DGKQ: variants seen among roughly 807,000 people sequenced by gnomAD.
The protein encoded by DGKQ is DAG kinase theta.
Under a neutral mutation model 104.2 loss-of-function variants are expected in DGKQ, and 97 were observed. That is an observed-to-expected ratio of 0.93 (90% CI 0.79 to 1.10). The LOEUF (loss-of-function observed/expected upper bound fraction) is 1.10. DGKQ is among the 50% of genes least tolerant of loss of function. The pLI, the probability that DGKQ is intolerant of heterozygous loss-of-function variation, is 0.00. For missense variants in DGKQ, 1,465 were observed against 1,352.1 expected (o/e 1.08, Z -1.31); for synonymous variants, 736 against 595.2 (o/e 1.24, Z -3.44).
At chr4:968,104 AC>A (rs1712581506) in intron 5 of DGKQ, 77 bp from the exon 6 acceptor site, 1 of 1,010,064 alleles carries the variant, frequency 9.9e-7, no homozygotes. Context: ...CCAGGGAAAG[AC>A]CCCACACGAC....
In DGKQ at chr4:962,574, T is replaced by C. The variant is rs1177972813; in HGVS notation, c.2075A>G (p.Tyr692Cys). The C allele has an allele frequency of 1.9e-6, 3 of 1,609,760 alleles. No homozygotes were observed. The highest frequency in any genetic ancestry group is 2.2e-5 in the East Asian group (1 of 44,874). ...TACGGAGAACGGGTCCTCGCCGCTGTAGCCCGCCCCCCAGCGGAGGACTCG... is the reference window on the plus strand; with the variant it reads ...TACGGAGAACGGGTCCTCGCCGCTGCAGCCCGCCCCCCAGCGGAGGACTCG... The part of the protein sequence containing the change: ...LGRVLRWGAG[Y>C]SGEDPFSVLL... The change falls in exon 18 of 23, where the codon TAC becomes TGC. Residue 692 changes from tyrosine to cysteine, a missense_variant. Tyr to Cys is a radical substitution (Grantham distance 194). Transcript: ENST00000273814.
chr4:961,679 C>G lies in DGKQ; in HGVS notation c.2462+9G>C. ...GGCAGAGCCTCTGGGGAGCCCCGCC[C>G]GCGAGCACCTGGGGATGTTGATGAA... is the stretch of plus-strand genomic sequence containing the variant. On this transcript the variant is annotated intron_variant, in intron 20 of 22. Coordinates refer to ENST00000273814, the MANE Select transcript of DGKQ (RefSeq NM_001347.4). The G allele has an allele frequency of 1.2e-6, 2 of 1,612,346 alleles. No individual in the cohort carries two copies.
chr4:962,632 C>A lies in DGKQ; in HGVS notation c.2036-19G>T. 6.2e-7 allele frequency: 1 copy of A among 1,604,234 alleles called. No homozygotes were observed. The highest frequency in any genetic ancestry group is 8.5e-7 in the Non-Finnish European group (1 of 1,178,354). ...TCATTCCCTGGGACACAAGCAGACACAGAGCATCTGTCCACACCCACCCGC... is the reference window on the plus strand; with the variant it reads ...TCATTCCCTGGGACACAAGCAGACAAAGAGCATCTGTCCACACCCACCCGC... On this transcript the variant is annotated intron_variant, in intron 17 of 22. Coordinates refer to ENST00000273814, the MANE Select transcript of DGKQ (RefSeq NM_001347.4).
Position 968,026 on chromosome 4 carries a change from G to A in DGKQ, c.665C>T (p.Ala222Val), listed in dbSNP as rs201141755. 3.5e-6 allele frequency: 5 copies of A among 1,427,436 alleles called. No individual in the cohort carries two copies. Among genetic ancestry groups the A allele is most frequent in the Non-Finnish European group, 3.6e-6 (4 of 1,099,846 alleles). The allele number at this position is 1,427,436 out of a possible 1,614,324, so 88.4% of individuals were successfully genotyped here. A position where few individuals can be genotyped will look rare whatever the true frequency, so the allele number is the denominator to read the frequency against. Residue 222 changes from alanine (A) to valine (V), a missense_variant and splice_region_variant, in exon 6 of 23, where the codon GCG (alanine) becomes GTG (valine). Transcript: ENST00000273814. ...CAGCGCCGCGGAGCAGAGGGAGTGCGCCTGGGGGGAGAAGGGCCTGAGCTG... is the reference window on the plus strand; with the variant it reads ...CAGCGCCGCGGAGCAGAGGGAGTGCACCTGGGGGGAGAAGGGCCTGAGCTG... Reference protein sequence around the residue: ...GVRCEWCGVQAHSLCSAALAP... With the variant: ...GVRCEWCGVQVHSLCSAALAP...
intron 18 of DGKQ, among the ~76,000 whole-genome samples, 165 bp from the exon 19 acceptor site, chr4:962,247 G>A (rs911794165): frequency 1.3e-5 from 2 of 152,184 alleles, no homozygotes; most frequent in Non-Finnish European, 2.9e-5. Flanking sequence ...AGGCTCTGTC[G>A]CCAGCTGGCT....
At position 967,353 on chromosome 4, in the gene DGKQ, T is replaced by C; in HGVS notation, c.996A>G (p.Ala332=). The change falls in exon 9 of 23, where the codon GCA becomes GCG. Residue 332 remains alanine, a synonymous_variant. Coordinates refer to ENST00000273814, the MANE Select transcript of DGKQ (RefSeq NM_001347.4). The part of the protein sequence containing the change: ...LAGAEEVLEA[A]LRAHHIPEDP... ...CCTCGGGGATGTGGTGGGCCCGCAG[T>C]GCGGCCTCCTGCAGGGCACCAGGTT... 1 of 1,458,110 alleles carries C rather than the reference T, an allele frequency of 6.9e-7. No homozygotes were observed. The highest frequency in any genetic ancestry group is 2.1e-5 in the Admixed American group (1 of 47,884). The allele number at this position is 1,458,110 out of a possible 1,614,324, so 90.3% of individuals were successfully genotyped here.
chr4:965,985 G>C lies in DGKQ; in HGVS notation c.1522C>G (p.Pro508Ala). The C allele has an allele frequency of 1.2e-6, 2 of 1,605,396 alleles. No individual in the cohort carries two copies. Among genetic ancestry groups the C allele is most frequent in the Non-Finnish European group, 1.7e-6 (2 of 1,176,816 alleles). Residue 508 changes from proline to alanine, a missense_variant, in exon 13 of 23, where the codon CCC (proline) becomes GCC (alanine). Physicochemically the swap from Pro to Ala is conservative, Grantham distance 27. Transcript: ENST00000273814. ...HVSLFVGGLP[P>A]GLSPEEYSSL... Reference sequence around the variant, plus strand: ...CTGTACTCCTCGGGAGACAGGCCGGGAGGCAGGCCGCCAACAAACAGGGAG... The same window carrying C: ...CTGTACTCCTCGGGAGACAGGCCGGCAGGCAGGCCGCCAACAAACAGGGAG...
chr4:961,416 G>T, intron 21 of DGKQ, 51 bp downstream of exon 21: 1 of 1,529,136 alleles, frequency 6.5e-7, no homozygotes, highest in Non-Finnish European at 8.8e-7. Context: ...GCTCAGCGGG[G>T]ACCGGGGACG....
rs1713114453 is a variant in DGKQ, at chr4:973,526, G to A, written c.-44C>T. ...GAGCCCCTTTAGGTCCGCGCCGGGG[G>A]TACAGGAGCCGCCGCTCCACGGCCC... On this transcript the variant is annotated 5_prime_UTR_variant, in exon 1 of 23. Coordinates refer to ENST00000273814, the MANE Select transcript of DGKQ (RefSeq NM_001347.4). 4 of 985,476 alleles carry A rather than the reference G, an allele frequency of 4.1e-6. No homozygotes were observed. Among genetic ancestry groups the A allele is most frequent in the Non-Finnish European group, 4.8e-6 (4 of 830,154 alleles). 61.0% of individuals were successfully genotyped at this position (985,476 alleles called of 1,614,324 possible).
At chr4:962,653 C>CCCG in intron 17 of DGKQ, 40 bp from the exon 18 acceptor site, 1 of 1,595,412 alleles carries the variant, frequency 6.3e-7, no homozygotes, top group Non-Finnish European at 8.5e-7. Flanking sequence ...TCCACACCCA[C>CCCG]CCGCCCATCA....
At chr4:961,907 C>T in intron 19 of DGKQ, 73 bp from the exon 20 acceptor site, 1 of 1,607,074 alleles carries the variant, frequency 6.2e-7, no homozygotes, top group Non-Finnish European at 8.5e-7. Context: ...GGGTTCCGGC[C>T]CCTCTGCCTG....
At position 968,385 on chromosome 4, in the gene DGKQ, C is replaced by T. The variant is rs745570650; in HGVS notation, c.560G>A (p.Arg187Gln). The T allele has an allele frequency of 3.4e-5, 54 of 1,569,536 alleles. No individual in the cohort carries two copies. The highest frequency in any genetic ancestry group is 4.4e-5 in the Non-Finnish European group (51 of 1,159,056). Residue 187 changes from arginine (R) to glutamine (Q), a missense_variant, in exon 5 of 23, where the codon CGG (arginine) becomes CAG (glutamine). Arg to Gln is a conservative substitution (Grantham distance 43). Transcript: ENST00000273814. Reference protein sequence around the residue: ...QDHDTHHHHWREGNLPSGARC... With the variant: ...QDHDTHHHHWQEGNLPSGARC... ...CGCTCCCGAGGGCAGGTTCCCCTCC[C>T]GCCAGTGGTGGTGATGGGTGTCCTG...
rs1712964933 is a variant in DGKQ, at chr4:971,957, C to T, written c.272-885G>A. Among the ~76,000 whole-genome samples the T allele has an allele frequency of 6.6e-6, 1 of 152,092 alleles. No homozygotes were observed. Among genetic ancestry groups the T allele is most frequent in the South Asian group, 2.1e-4 (1 of 4,820 alleles). ...AGTCTCCAGATGGGACCGGGAGAAG[C>T]TTCTCCTGGCAGCTTAAGAGAAAAG... On this transcript the variant is annotated intron_variant, in intron 1 of 22. Coordinates refer to ENST00000273814, the MANE Select transcript of DGKQ (RefSeq NM_001347.4). This position sits in a 1 kb window ranked among gnomAD's most constrained non-coding sequence, Gnocchi z 4.0.
At chr4:965,883 C>T in intron 13 of DGKQ, 45 bp downstream of exon 13, 1 of 1,542,668 alleles carries the variant, frequency 6.5e-7, no homozygotes, top group Middle Eastern at 1.9e-4. Flanking sequence ...TGCCGCTCGA[C>T]CCTGCCCCGT....
intron 21 of DGKQ, 41 bp downstream of exon 21, chr4:961,426 G>A (rs761925647): frequency 4.3e-5 from 66 of 1,545,978 alleles, no homozygotes; most frequent in Admixed American, 2.1e-4. Flanking sequence ...GACCGGGGAC[G>A]CCCACCCTGG....
In DGKQ at chr4:960,698, C is replaced by G. The variant is rs1711823956; in HGVS notation, c.2751G>C (p.Lys917Asn). Residue 917 changes from lysine to asparagine, a missense_variant, in exon 23 of 23, where the codon AAG (lysine) becomes AAC (asparagine). Physicochemically the swap from Lys to Asn is moderately conservative, Grantham distance 94. Transcript: ENST00000273814. ...TGGTCCCGGCCCTCCTCGGCTTCTG[C>G]TTGGCCTTCCTCAGCATGTGCACCT... ...GPKVHMLRKA[K>N]QKPRRAGTTR... 1 of 1,612,176 alleles carries G rather than the reference C, an allele frequency of 6.2e-7. No individual in the cohort carries two copies. Among genetic ancestry groups the G allele is most frequent in the Non-Finnish European group, 8.5e-7 (1 of 1,179,788 alleles).
intron 13 of DGKQ, among the ~76,000 whole-genome samples, 194 bp downstream of exon 13, chr4:965,734 T>C (rs1712262360): frequency 6.6e-6 from 1 of 152,130 alleles, no homozygotes; most frequent in Non-Finnish European, 1.5e-5. Flanking sequence ...AGGCAGAGGC[T>C]GAGCACCGCA....
chr4:966,326 C>T (rs375027309), intron 12 of DGKQ, 140 bp downstream of exon 12: 57 of 990,102 alleles, frequency 5.8e-5, no homozygotes, highest in Middle Eastern at 2.1e-4. Flanking sequence ...TAGCTCATGA[C>T]GAGGGCGCTG....
Position 960,312 on chromosome 4 carries a change from G to A in DGKQ, c.*308C>T. 8.7e-6 allele frequency: 4 copies of A among 459,476 alleles called. No homozygotes were observed. The highest frequency in any genetic ancestry group is 8.0e-6 in the Non-Finnish European group (2 of 250,220). The allele number at this position is 459,476 out of a possible 1,614,324, so 28.5% of individuals were successfully genotyped here. A position where few individuals can be genotyped will look rare whatever the true frequency, so the allele number is the denominator to read the frequency against. On this transcript the variant is annotated 3_prime_UTR_variant, in exon 23 of 23. Coordinates refer to ENST00000273814, the MANE Select transcript of DGKQ (RefSeq NM_001347.4). ...AGAGGGATGGGTGCCCACCCCTGAG[G>A]AGAGGACCAGGCCCCCACAGGGCAG...
Sources: gnomAD v4.1 joint callset for allele counts (sites outside exome capture counted in the v4.1 genomes callset) on GRCh38, gnomAD v4.1.1 for gene constraint, Gnocchi (gnomAD v3.1) non-coding constraint, MANE v1.5 for transcripts, NCBI Gene and HGNC (gene_info 2026-07-23, HGNC 2026-07-21) for gene names.